Variants in NALF1 observed in about 807,000 individuals in gnomAD.
The protein encoded by NALF1 is NALCN channel auxiliary factor 1, also known as family with sequence similarity 155 member A.
NALF1 carries 3 observed loss-of-function variants against 48.4 expected under a neutral mutation model. The observed-to-expected ratio is 0.06, with a 90% CI of 0.03 to 0.16. The LOEUF (loss-of-function observed/expected upper bound fraction) is 0.16, where lower values mean the gene tolerates loss of function less well. Among genes scored for constraint, NALF1 ranks in the 10% least tolerant of loss-of-function variants. NALF1 has a pLI of 1.00. For synonymous variants in NALF1, 262 were observed against 245.7 expected (o/e 1.07, Z -0.62); for missense variants, 526 against 571.5 (o/e 0.92, Z 0.81).
intron 1 of NALF1, among the ~76,000 whole-genome samples, chr13:107,743,061 G>GCTGGGAGGC (rs1876683885): frequency 6.6e-6 from 1 of 152,190 alleles, no homozygotes; most frequent in Admixed American, 6.5e-5. Context: ...TGCTGGCTAG[G>GCTGGGAGGC]CTGGGAGGCC....
chr13:107,338,918 G>T (rs61967179), intron 1 of NALF1, among the ~76,000 whole-genome samples: 3,643 of 152,106 alleles, frequency 0.024, 68 homozygotes, highest in Non-Finnish European at 0.038. Flanking sequence ...GGATCACGAG[G>T]TCAGGAGGTC....
intron 1 of NALF1, among the ~76,000 whole-genome samples, chr13:107,247,303 A>G (rs1880604401): frequency 6.6e-6 from 1 of 152,228 alleles, no homozygotes; most frequent in African/African-American, 2.4e-5. Context: ...TATTTTAAAA[A>G]TGTGTCTAGT....
intron 1 of NALF1, among the ~76,000 whole-genome samples, chr13:107,474,089 A>T (rs917111429): frequency 3.3e-5 from 5 of 152,144 alleles, no homozygotes; most frequent in African/African-American, 1.2e-4. Flanking sequence ...GGCACACTCT[A>T]TTGACTACTT....
At chr13:107,485,198 T>C (rs1401371478) in intron 1 of NALF1, among the ~76,000 whole-genome samples, 9 of 152,154 alleles carry the variant, frequency 5.9e-5, no homozygotes, top group Admixed American at 5.2e-4. Context: ...ATGTCTGTGA[T>C]TGTTTTGGAG....
intron 1 of NALF1, among the ~76,000 whole-genome samples, chr13:107,441,131 T>C (rs1055146209): frequency 1.3e-5 from 2 of 152,192 alleles, no homozygotes; most frequent in Admixed American, 6.5e-5. Flanking sequence ...TATTAAAAAA[T>C]ATCAGACTGA....
At chr13:107,352,380 A>G (rs1028095586) in intron 1 of NALF1, among the ~76,000 whole-genome samples, 1 of 152,086 alleles carries the variant, frequency 6.6e-6, no homozygotes, top group African/African-American at 2.4e-5. Context: ...TTTTATTGTT[A>G]TTTCTCAACA....
chr13:107,291,926 A>C (rs1881628688), intron 1 of NALF1, among the ~76,000 whole-genome samples: 1 of 152,252 alleles, frequency 6.6e-6, no homozygotes, highest in Non-Finnish European at 1.5e-5. Context: ...AGCTTCTTAC[A>C]TAATTCAGGA....
At chr13:107,445,791 C>T (rs1395971841) in intron 1 of NALF1, among the ~76,000 whole-genome samples, 1 of 152,120 alleles carries the variant, frequency 6.6e-6, no homozygotes, top group African/African-American at 2.4e-5. Flanking sequence ...TTATCTGTCT[C>T]TCCACAGTTT....
intron 1 of NALF1, among the ~76,000 whole-genome samples, chr13:107,627,879 C>T (rs997624118): frequency 6.6e-6 from 1 of 151,922 alleles, no homozygotes; most frequent in Non-Finnish European, 1.5e-5. Context: ...ACTCGCTGGA[C>T]AATAGGAATG....
chr13:107,845,369 T>A (rs904283697), intron 1 of NALF1, among the ~76,000 whole-genome samples: 5 of 152,180 alleles, frequency 3.3e-5, no homozygotes, highest in African/African-American at 1.2e-4. Flanking sequence ...CAGTGTGTGC[T>A]GTGGAATGAG....
At chr13:107,841,711 C>T (rs1180149448) in intron 1 of NALF1, among the ~76,000 whole-genome samples, 1 of 150,768 alleles carries the variant, frequency 6.6e-6, no homozygotes, top group African/African-American at 2.4e-5. Flanking sequence ...TTTAACAAAT[C>T]ACATTTCACA....
At chr13:107,716,544 C>G (rs1875826196) in intron 1 of NALF1, among the ~76,000 whole-genome samples, 1 of 152,238 alleles carries the variant, frequency 6.6e-6, no homozygotes, top group African/African-American at 2.4e-5. Flanking sequence ...CCACTGCTTT[C>G]TCTTCGCTGT....
intron 1 of NALF1, among the ~76,000 whole-genome samples, chr13:107,652,984 T>C (rs1036413206): frequency 6.6e-6 from 1 of 152,168 alleles, no homozygotes; most frequent in East Asian, 1.9e-4. Context: ...TTATTTTTCA[T>C]AACTTCTGCC....
At chr13:107,520,007 T>C (rs1876184319) in intron 1 of NALF1, among the ~76,000 whole-genome samples, 1 of 152,174 alleles carries the variant, frequency 6.6e-6, no homozygotes, top group Non-Finnish European at 1.5e-5. Context: ...GGAAGTAAAA[T>C]GAATGCTGTA....
At chr13:107,394,538 T>G (rs1883679495) in intron 1 of NALF1, among the ~76,000 whole-genome samples, 1 of 152,158 alleles carries the variant, frequency 6.6e-6, no homozygotes, top group African/African-American at 2.4e-5. Context: ...ACATATCTCA[T>G]TACCAGGGTA....
intron 1 of NALF1, among the ~76,000 whole-genome samples, chr13:107,856,679 T>C (rs1594317031): frequency 6.6e-6 from 1 of 152,164 alleles, no homozygotes; most frequent in Admixed American, 6.5e-5. Flanking sequence ...TTTTTTTATG[T>C]GATGGAATTT....
chr13:107,301,629 T>A (rs2138893415), intron 1 of NALF1, among the ~76,000 whole-genome samples: 1 of 152,362 alleles, frequency 6.6e-6, no homozygotes, highest in Admixed American at 6.5e-5. Context: ...TTTTATTACA[T>A]ACGTCTACAT....
chr13:107,317,037 T>G (rs540968184), intron 1 of NALF1, among the ~76,000 whole-genome samples: 7 of 152,280 alleles, frequency 4.6e-5, no homozygotes, highest in African/African-American at 1.7e-4. Flanking sequence ...GAAAAACTAT[T>G]GATTGCTATT....
chr13:107,855,461 T>C (rs1203652982), intron 1 of NALF1, among the ~76,000 whole-genome samples: 1 of 152,212 alleles, frequency 6.6e-6, no homozygotes. Flanking sequence ...AGCCAAAAGA[T>C]TGGACACCCC....
Sources: allele counts gnomAD v4.1 joint callset (sites outside exome capture counted in the v4.1 genomes callset), GRCh38; gene constraint gnomAD v4.1.1; transcripts MANE v1.5; gene names NCBI Gene and HGNC (gene_info 2026-07-23, HGNC 2026-07-21).